Variants in CNTNAP2 observed in about 807,000 individuals in gnomAD.
CNTNAP2 encodes the protein contactin-associated protein-like 2.
A neutral mutation model predicts 155.2 loss-of-function variants in CNTNAP2; 98 were observed. The ratio of observed to expected loss-of-function variants is 0.63; its 90% CI spans 0.54 to 0.75. The LOEUF is 0.75. CNTNAP2 is among the 30% of genes least tolerant of loss of function. The probability of loss-of-function intolerance (pLI) is 0.00; values close to 1 mark genes in which losing one functional copy is unlikely to be tolerated. For missense variants in CNTNAP2, 1,727 were observed against 1,688.1 expected (o/e 1.02, Z -0.40); for synonymous variants, 651 against 631.2 (o/e 1.03, Z -0.47).
intron 12 of CNTNAP2, among the ~76,000 whole-genome samples, chr7:147,599,193 T>C (rs1584843768): frequency 6.6e-6 from 1 of 152,010 alleles, no homozygotes; most frequent in Non-Finnish European, 1.5e-5. Flanking sequence ...AAATGTACCA[T>C]TGGTCAAGAG....
At chr7:147,043,344 C>A (rs750516599) in intron 3 of CNTNAP2, among the ~76,000 whole-genome samples, 1 of 152,044 alleles carries the variant, frequency 6.6e-6, no homozygotes, top group Non-Finnish European at 1.5e-5. Flanking sequence ...ATTCTTTTGA[C>A]AGAATCTTCT....
rs142020568 is a variant in CNTNAP2 at position 148,232,704 on chromosome 7, G to A, written c.3381+2925G>A. Among the ~76,000 whole-genome samples the A allele has an allele frequency of 4.7e-3, 711 of 152,284 alleles. 28 individuals carry two copies. In the East Asian group the frequency reaches 0.091, roughly 19 times the overall value. On this transcript the variant is annotated intron_variant, in intron 20 of 23. Coordinates refer to ENST00000361727, the MANE Select transcript of CNTNAP2 (RefSeq NM_014141.6). ...ATGAATGGTAGATCACAGTGCTGTG[G>A]AATGATGTCTTTGGAATTAAGGTGA...
chr7:147,222,544 C>T (rs1803427773), intron 8 of CNTNAP2, among the ~76,000 whole-genome samples: 1 of 152,090 alleles, frequency 6.6e-6, no homozygotes, highest in South Asian at 2.1e-4. Context: ...AATTCCGTGT[C>T]TGATAATCCA....
chr7:147,300,360 A>T, intron 9 of CNTNAP2, 70 bp downstream of exon 9: 4 of 1,562,156 alleles, frequency 2.6e-6, no homozygotes, highest in Admixed American at 3.3e-5. Flanking sequence ...AAGTTTGATT[A>T]TGAAGTATTT....
At chr7:146,644,812 C>T (rs893095437) in intron 1 of CNTNAP2, among the ~76,000 whole-genome samples, 2 of 152,132 alleles carry the variant, frequency 1.3e-5, no homozygotes, top group African/African-American at 4.8e-5. Flanking sequence ...AGACCAAGAA[C>T]AGGCTCTGAA....
chr7:147,909,423 G>A (rs779066242), intron 14 of CNTNAP2, among the ~76,000 whole-genome samples: 1 of 152,104 alleles, frequency 6.6e-6, no homozygotes, highest in Non-Finnish European at 1.5e-5. Context: ...GCATAAAAAT[G>A]GAGCCAGGAT....
Position 147,169,290 on chromosome 7 carries a change from AT to A in CNTNAP2, c.1348+36784del, listed in dbSNP as rs767787548. On this transcript the variant is annotated intron_variant, in intron 8 of 23. Transcript: ENST00000361727. ...TAAAAAAATTTATAAATATTTCAAC[AT>A]TTAATTTAGATACAGCAGGTACAAG... Among the ~76,000 whole-genome samples the A allele has an allele frequency of 5.3e-5, 8 of 152,324 alleles. No individual in the cohort carries two copies. The South Asian group carries it at 1.4e-3, about 28-fold the overall frequency.
chr7:146,570,162 T>C (rs1798419122), intron 1 of CNTNAP2, among the ~76,000 whole-genome samples: 1 of 152,156 alleles, frequency 6.6e-6, no homozygotes, highest in Admixed American at 6.5e-5. Flanking sequence ...AGAAAAAAAT[T>C]CCATGATGAA....
chr7:148,359,308 C>T (rs1443683456), intron 21 of CNTNAP2, among the ~76,000 whole-genome samples: 1 of 152,250 alleles, frequency 6.6e-6, no homozygotes, highest in Admixed American at 6.5e-5. Flanking sequence ...CTAAGCAACA[C>T]ATAACTAGTA....
intron 9 of CNTNAP2, among the ~76,000 whole-genome samples, chr7:147,318,814 C>G (rs1240268960): frequency 6.6e-6 from 1 of 151,944 alleles, no homozygotes; most frequent in Non-Finnish European, 1.5e-5. Flanking sequence ...ACATGTATCC[C>G]AGAACTTAAA....
chr7:146,948,485 T>C (rs1266947095), intron 3 of CNTNAP2, among the ~76,000 whole-genome samples: 1 of 152,184 alleles, frequency 6.6e-6, no homozygotes, highest in Non-Finnish European at 1.5e-5. Context: ...TCTATACTTT[T>C]ATAAATTAAT....
chr7:148,089,152 T>C (rs902326911), intron 15 of CNTNAP2, among the ~76,000 whole-genome samples: 3 of 151,936 alleles, frequency 2.0e-5, no homozygotes, highest in Non-Finnish European at 4.4e-5. Context: ...AATAAATGTA[T>C]CTCAACACAA....
At chr7:148,026,661 A>G (rs1802380861) in intron 15 of CNTNAP2, among the ~76,000 whole-genome samples, 2 of 152,174 alleles carry the variant, frequency 1.3e-5, no homozygotes, top group South Asian at 4.1e-4. Context: ...TCTTGTTTTT[A>G]AAATTCAGAG....
Position 148,172,396 on chromosome 7 carries a change from T to C in CNTNAP2, c.2928T>C (p.Asn976=), listed in dbSNP as rs765953292. 56 of 1,613,952 alleles carry C rather than the reference T, an allele frequency of 3.5e-5. No individual in the cohort carries two copies. Among genetic ancestry groups the C allele is most frequent in the African/African-American group, 5.3e-5 (4 of 74,900 alleles). The change falls in exon 18 of 24, where the codon AAT becomes AAC. Residue 976 remains asparagine, a synonymous_variant. Coordinates refer to ENST00000361727, the MANE Select transcript of CNTNAP2 (RefSeq NM_014141.6). The stretch of plus-strand genomic sequence containing the variant: ...CCAGCTATGGAACAAACTGTGAAAA[T>C]GGAGGCAAATGCCTAGAGAGATACC... ...HCTSYGTNCE[N]GGKCLERYHG...
intron 13 of CNTNAP2, among the ~76,000 whole-genome samples, chr7:147,727,435 C>A (rs1421292804): frequency 1.3e-5 from 2 of 152,030 alleles, no homozygotes; most frequent in African/African-American, 2.4e-5. Flanking sequence ...AATGAGTTAA[C>A]TATCAGTTGT....
intron 3 of CNTNAP2, among the ~76,000 whole-genome samples, chr7:146,881,178 G>A (rs978735695): frequency 2.0e-5 from 3 of 151,926 alleles, no homozygotes; most frequent in East Asian, 1.9e-4. Context: ...TTCCACACAC[G>A]TTACTCTAGA....
At chr7:147,055,351 A>G (rs1019401819) in intron 4 of CNTNAP2, among the ~76,000 whole-genome samples, 5 of 152,332 alleles carry the variant, frequency 3.3e-5, no homozygotes, top group African/African-American at 1.2e-4. Context: ...ATAGCTTATT[A>G]AGGACTGTCC....
intron 11 of CNTNAP2, among the ~76,000 whole-genome samples, chr7:147,508,607 C>CA (rs1256215020): frequency 1.3e-5 from 2 of 152,168 alleles, no homozygotes; most frequent in African/African-American, 4.8e-5. Context: ...GCTGTGTCCC[C>CA]ACCCAAATCT....
At chr7:147,657,420 A>T (rs1795541899) in intron 13 of CNTNAP2, among the ~76,000 whole-genome samples, 1 of 152,172 alleles carries the variant, frequency 6.6e-6, no homozygotes, top group Non-Finnish European at 1.5e-5. Flanking sequence ...GGAGATAAAG[A>T]TCTAAGGTAA....
Sources: gnomAD v4.1 joint callset for allele counts (sites outside exome capture counted in the v4.1 genomes callset) on GRCh38, gnomAD v4.1.1 for gene constraint, MANE v1.5 for transcripts, NCBI Gene and HGNC (gene_info 2026-07-23, HGNC 2026-07-21) for gene names.